Variants in FRMD4A observed in about 807,000 individuals in gnomAD.
FRMD4A encodes FERM domain-containing protein 4A.
Under a neutral mutation model 129.1 loss-of-function variants are expected in FRMD4A, and 29 were observed. That is an observed-to-expected ratio of 0.22 (90% CI 0.17 to 0.31). The LOEUF (loss-of-function observed/expected upper bound fraction) is 0.31, where lower values mean the gene tolerates loss of function less well. FRMD4A is among the 10% of genes least tolerant of loss of function. The probability of loss-of-function intolerance (pLI) is 1.00; values close to 1 mark genes in which losing one functional copy is unlikely to be tolerated. For missense variants in FRMD4A, 1,272 were observed against 1,375.8 expected (o/e 0.92, Z 1.19); for synonymous variants, 634 against 571.6 (o/e 1.11, Z -1.56).
At chr10:13,781,437 GTA>G (rs1486368592) in intron 6 of FRMD4A, among the ~76,000 whole-genome samples, 1 of 127,374 alleles carries the variant, frequency 7.9e-6, no homozygotes, top group Non-Finnish European at 1.6e-5. Context: ...GAGTGCAGTG[GTA>G]TGATCTCGGC....
intron 2 of FRMD4A, among the ~76,000 whole-genome samples, chr10:14,299,163 G>A (rs1846103830): frequency 6.6e-6 from 1 of 152,194 alleles, no homozygotes; most frequent in Admixed American, 6.5e-5. Context: ...AAGGTGACAA[G>A]ATTCCTGAGC....
At chr10:13,698,389 T>A (rs1489485892) in intron 14 of FRMD4A, among the ~76,000 whole-genome samples, 2 of 152,148 alleles carry the variant, frequency 1.3e-5, no homozygotes, top group African/African-American at 4.8e-5. Context: ...CTAGAAATGT[T>A]ATGAAGCTCT....
At chr10:14,264,427 CTG>C (rs1348493384) in intron 2 of FRMD4A, among the ~76,000 whole-genome samples, 4 of 152,204 alleles carry the variant, frequency 2.6e-5, no homozygotes, top group African/African-American at 9.6e-5. Context: ...ACAAAAGTGA[CTG>C]TTTTATAAAT....
intron 2 of FRMD4A, among the ~76,000 whole-genome samples, chr10:13,871,539 G>A (rs76083797): frequency 0.017 from 2,577 of 152,206 alleles, 37 homozygotes; most frequent in East Asian, 0.067. Flanking sequence ...ATAAAACCAC[G>A]AACATCTTCC....
At chr10:14,174,583 C>T (rs542656666) in intron 2 of FRMD4A, among the ~76,000 whole-genome samples, 11 of 150,426 alleles carry the variant, frequency 7.3e-5, no homozygotes, top group Admixed American at 7.3e-4. Flanking sequence ...ATTCCTTCCT[C>T]TCTTAAGAAG....
At chr10:13,917,301 G>C (rs1259592453) in intron 2 of FRMD4A, among the ~76,000 whole-genome samples, 1 of 47,590 alleles carries the variant, frequency 2.1e-5, no homozygotes, top group Non-Finnish European at 4.6e-5. Context: ...TTTTTTTTTT[G>C]AGATGGAGAC....
At chr10:13,971,502 A>T (rs2095518013) in intron 2 of FRMD4A, among the ~76,000 whole-genome samples, 2 of 152,182 alleles carry the variant, frequency 1.3e-5, no homozygotes, top group African/African-American at 4.8e-5. Flanking sequence ...TGGCACCTAG[A>T]AGATGAGGCT....
At chr10:14,185,185 T>C (rs1325411474) in intron 2 of FRMD4A, among the ~76,000 whole-genome samples, 1 of 152,210 alleles carries the variant, frequency 6.6e-6, no homozygotes, top group Non-Finnish European at 1.5e-5. Context: ...TCCTGTTATG[T>C]GTATAATGTG....
chr10:14,316,560 A>G (rs183369517), intron 2 of FRMD4A, among the ~76,000 whole-genome samples: 1 of 151,772 alleles, frequency 6.6e-6, no homozygotes, highest in Admixed American at 6.5e-5. Context: ...GCTTAAGCCA[A>G]TCAGTGCTTG....
intron 2 of FRMD4A, among the ~76,000 whole-genome samples, chr10:13,964,524 G>GA (rs1190196909): frequency 2.0e-5 from 3 of 152,146 alleles, no homozygotes; most frequent in Admixed American, 1.3e-4. Context: ...GATTTGTCAT[G>GA]AAACCAATGA....
intron 2 of FRMD4A, among the ~76,000 whole-genome samples, chr10:14,250,996 C>A (rs1464136785): frequency 6.6e-6 from 1 of 152,190 alleles, no homozygotes; most frequent in Non-Finnish European, 1.5e-5. Flanking sequence ...TAGCTGTATT[C>A]AAAACCTGGC....
intron 2 of FRMD4A, among the ~76,000 whole-genome samples, chr10:14,099,544 C>T (rs76226749): frequency 1.3e-5 from 2 of 152,092 alleles, no homozygotes; most frequent in African/African-American, 4.8e-5. Flanking sequence ...AACTCCTATA[C>T]GAAAGTTGGC....
At chr10:14,113,359 C>G (rs879551650) in intron 2 of FRMD4A, among the ~76,000 whole-genome samples, 8 of 152,148 alleles carry the variant, frequency 5.3e-5, no homozygotes, top group African/African-American at 1.9e-4. Flanking sequence ...ATGATCCAGA[C>G]CCACTTCCAC....
At chr10:14,174,677 C>T (rs565103510) in intron 2 of FRMD4A, among the ~76,000 whole-genome samples, 1 of 152,278 alleles carries the variant, frequency 6.6e-6, no homozygotes, top group African/African-American at 2.4e-5. Context: ...AAAAAGAAAT[C>T]CCACTGCGTG....
intron 2 of FRMD4A, among the ~76,000 whole-genome samples, chr10:14,215,865 G>A (rs1279564548): frequency 6.6e-6 from 1 of 152,096 alleles, no homozygotes; most frequent in Non-Finnish European, 1.5e-5. Flanking sequence ...AGTCTCAGTT[G>A]CTACTGTCCT....
intron 13 of FRMD4A, among the ~76,000 whole-genome samples, chr10:13,704,463 T>C (rs1041621822): frequency 2.6e-5 from 4 of 152,122 alleles, no homozygotes; most frequent in African/African-American, 7.2e-5. Context: ...TTTATCCTAA[T>C]TGAGAAGCCC....
At chr10:13,838,252 A>ATT (rs905362746) in intron 3 of FRMD4A, among the ~76,000 whole-genome samples, 1,381 of 125,966 alleles carry the variant, frequency 0.011, 43 homozygotes, top group African/African-American at 0.038. Context: ...TGCAGAGCTA[A>ATT]TTTTTTTTTT....
chr10:13,784,897 A>G (rs1034138505), intron 5 of FRMD4A, among the ~76,000 whole-genome samples: 6 of 151,732 alleles, frequency 4.0e-5, no homozygotes, highest in African/African-American at 1.5e-4. Context: ...AGGCTGAGGC[A>G]GAAGAATCGC....
intron 2 of FRMD4A, among the ~76,000 whole-genome samples, chr10:14,145,890 T>A (rs1012908154): frequency 6.6e-6 from 1 of 152,112 alleles, no homozygotes; most frequent in Non-Finnish European, 1.5e-5. Flanking sequence ...CCATTTAGAG[T>A]AACGTGCTTA....
Sources: allele counts gnomAD v4.1 joint callset (sites outside exome capture counted in the v4.1 genomes callset), GRCh38; gene constraint gnomAD v4.1.1; transcripts MANE v1.5; gene names NCBI Gene and HGNC (gene_info 2026-07-23, HGNC 2026-07-21).